The following DLG2 variants were observed in gnomAD, a reference collection of about 807,000 sequenced individuals.
DLG2 encodes discs large MAGUK scaffold protein 2.
A neutral mutation model predicts 132.5 loss-of-function variants in DLG2; 45 were observed. That is an observed-to-expected ratio of 0.34 (90% CI 0.27 to 0.44). The LOEUF (loss-of-function observed/expected upper bound fraction) is 0.44. Among genes scored for constraint, DLG2 ranks in the 20% least tolerant of loss-of-function variants. The probability of loss-of-function intolerance (pLI) is 1.00; values close to 1 mark genes in which losing one functional copy is unlikely to be tolerated. For missense variants in DLG2, 1,045 were observed against 1,196.9 expected (o/e 0.87, Z 1.87); for synonymous variants, 424 against 419.6 (o/e 1.01, Z -0.13).
chr11:83,957,472 C>T (rs1290636431), intron 14 of DLG2, among the ~76,000 whole-genome samples: 2 of 151,986 alleles, frequency 1.3e-5, no homozygotes, highest in Non-Finnish European at 2.9e-5. Context: ...TCTTCCATTG[C>T]TACCCTCACT....
chr11:84,169,008 T>G (rs1352820591), intron 8 of DLG2, among the ~76,000 whole-genome samples: 1 of 152,202 alleles, frequency 6.6e-6, no homozygotes, highest in African/African-American at 2.4e-5. Context: ...GGCAAAAACA[T>G]GGCTTCCAGA....
intron 19 of DLG2, among the ~76,000 whole-genome samples, chr11:83,594,563 T>G (rs942713738): frequency 2.6e-5 from 4 of 152,170 alleles, no homozygotes; most frequent in African/African-American, 9.7e-5. Flanking sequence ...TTGTCGTACA[T>G]TGAAGCAATC....
intron 16 of DLG2, among the ~76,000 whole-genome samples, chr11:83,852,723 C>G (rs1486795966): frequency 2.0e-5 from 3 of 152,178 alleles, no homozygotes; most frequent in Non-Finnish European, 4.4e-5. Flanking sequence ...GTTTTACCAG[C>G]TACAAGTTCT....
chr11:84,611,020 GACATACACAC>G (rs2099594494), intron 6 of DLG2, among the ~76,000 whole-genome samples: 1 of 71,880 alleles, frequency 1.4e-5, no homozygotes, highest in East Asian at 3.8e-4. Flanking sequence ...TCTGTTAGAT[GACATACACAC>G]ACACACACAC....
chr11:84,342,015 AC>A (rs1567342794), intron 7 of DLG2, among the ~76,000 whole-genome samples: 1 of 152,126 alleles, frequency 6.6e-6, no homozygotes, highest in East Asian at 1.9e-4. Context: ...TATCCATTCT[AC>A]CAAATTCTAA....
chr11:84,872,637 T>A (rs930203520), intron 6 of DLG2, among the ~76,000 whole-genome samples: 4 of 152,216 alleles, frequency 2.6e-5, no homozygotes, highest in Non-Finnish European at 5.9e-5. Context: ...TTGGATGTGC[T>A]TAGTTACCTC....
intron 6 of DLG2, among the ~76,000 whole-genome samples, chr11:84,668,352 A>G (rs985688270): frequency 1.2e-4 from 19 of 152,172 alleles, no homozygotes; most frequent in African/African-American, 4.1e-4. Flanking sequence ...TCTTTAAGCA[A>G]TTGAGTTTAA....
At chr11:83,830,297 A>G (rs2153996802) in intron 17 of DLG2, among the ~76,000 whole-genome samples, 1 of 152,358 alleles carries the variant, frequency 6.6e-6, no homozygotes, top group East Asian at 1.9e-4. Context: ...TGGTAATAAT[A>G]TTTAAATGGA....
rs180926883 is a variant in DLG2, at chr11:83,957,993, C to A, written c.1340+4892G>T. 2.4e-3 allele frequency among the ~76,000 whole-genome samples: 358 copies of A among 152,292 alleles called. 2 individuals are homozygous for A. Among genetic ancestry groups the A allele is most frequent in the African/African-American group, 8.4e-3 (351 of 41,564 alleles). On this transcript the variant is annotated intron_variant, in intron 14 of 27. Transcript: ENST00000376104. ...ATTTTACTTCCTTTGTAGCACTTAG[C>A]ACTAACTGAACTTAATGCATTTATT...
At chr11:83,783,283 A>C (rs556162977) in intron 18 of DLG2, among the ~76,000 whole-genome samples, 4 of 152,358 alleles carry the variant, frequency 2.6e-5, no homozygotes, top group African/African-American at 9.6e-5. Flanking sequence ...GCTCATTTTA[A>C]GCAGAAGTGA....
At chr11:85,388,405 C>T (rs776202414) in intron 3 of DLG2, among the ~76,000 whole-genome samples, 1 of 152,096 alleles carries the variant, frequency 6.6e-6, no homozygotes, top group African/African-American at 2.4e-5. Flanking sequence ...CTCTTGGGAG[C>T]TCTATAGCCC....
intron 6 of DLG2, among the ~76,000 whole-genome samples, chr11:84,740,200 G>A (rs1486763642): frequency 1.3e-5 from 2 of 151,896 alleles, no homozygotes; most frequent in African/African-American, 4.8e-5. Flanking sequence ...GAATGGAAAG[G>A]CACCTATTAA....
At chr11:84,165,342 G>A (rs547205019) in intron 8 of DLG2, among the ~76,000 whole-genome samples, 2 of 152,184 alleles carry the variant, frequency 1.3e-5, no homozygotes, top group Non-Finnish European at 2.9e-5. Flanking sequence ...ACACTGCATA[G>A]TTGTGGCCTA....
At chr11:85,186,690 T>C (rs1295981054) in intron 4 of DLG2, among the ~76,000 whole-genome samples, 2 of 152,126 alleles carry the variant, frequency 1.3e-5, no homozygotes, top group East Asian at 3.8e-4. Flanking sequence ...TGTCACATCC[T>C]GACCTATCAT....
intron 8 of DLG2, among the ~76,000 whole-genome samples, chr11:84,227,039 T>C (rs1017438554): frequency 5.9e-5 from 9 of 151,870 alleles, no homozygotes; most frequent in African/African-American, 2.2e-4. Flanking sequence ...TGAGCCGAGA[T>C]CGTGCCACTA....
intron 6 of DLG2, among the ~76,000 whole-genome samples, chr11:85,055,622 C>CA (rs1282686614): frequency 1.3e-5 from 2 of 152,030 alleles, no homozygotes; most frequent in Non-Finnish European, 2.9e-5. Flanking sequence ...TTTGCAGTGA[C>CA]AAAAAGTACA....
intron 6 of DLG2, among the ~76,000 whole-genome samples, chr11:84,636,836 C>T (rs1334642897): frequency 6.6e-6 from 1 of 151,086 alleles, no homozygotes; most frequent in Non-Finnish European, 1.5e-5. Flanking sequence ...GACTGGAGTG[C>T]AGTGGCACGA....
At chr11:84,421,112 C>A (rs2098949376) in intron 7 of DLG2, among the ~76,000 whole-genome samples, 1 of 152,118 alleles carries the variant, frequency 6.6e-6, no homozygotes, top group Admixed American at 6.5e-5. Flanking sequence ...ACACTCCCTT[C>A]CCCTTCAACC....
At chr11:85,311,053 G>A (rs1184177738) in intron 3 of DLG2, among the ~76,000 whole-genome samples, 1 of 152,108 alleles carries the variant, frequency 6.6e-6, no homozygotes, top group African/African-American at 2.4e-5. Context: ...TATGGCTTAT[G>A]AGCTAAGAAT....
Sources: gnomAD v4.1 joint callset for allele counts (sites outside exome capture counted in the v4.1 genomes callset) on GRCh38, gnomAD v4.1.1 for gene constraint, MANE v1.5 for transcripts, NCBI Gene and HGNC (gene_info 2026-07-23, HGNC 2026-07-21) for gene names.